RAP1GAP2: variants seen among roughly 807,000 people sequenced by gnomAD.
RAP1GAP2 encodes RAP1 GTPase activating protein 2, also known as rap1 GTPase-activating protein 2.
A neutral mutation model predicts 95.0 loss-of-function variants in RAP1GAP2; 27 were observed. The observed-to-expected ratio is 0.28, with a 90% CI of 0.21 to 0.39. RAP1GAP2 has a LOEUF of 0.39. Among genes scored for constraint, RAP1GAP2 ranks in the 10% least tolerant of loss-of-function variants. The probability of loss-of-function intolerance (pLI) is 1.00; values close to 1 mark genes in which losing one functional copy is unlikely to be tolerated. For synonymous variants in RAP1GAP2, 373 were observed against 380.9 expected, an observed-to-expected ratio of 0.98 and a Z score of 0.24; for missense variants, 771 against 970.0, an observed-to-expected ratio of 0.79 and a Z score of 2.72.
chr17:2,824,849 G>T (rs1448430673), intron 2 of RAP1GAP2, among the ~76,000 whole-genome samples: 1 of 151,988 alleles, frequency 6.6e-6, no homozygotes, highest in Admixed American at 6.6e-5. Flanking sequence ...GGCTGGAGAT[G>T]CCTGTGGTGG....
In RAP1GAP2 at chr17:2,963,813, C is replaced by T. The variant is rs748779912; in HGVS notation, c.280-43C>T. 1 of 1,489,142 alleles carries T rather than the reference C, an allele frequency of 6.7e-7. No homozygotes were observed. The highest frequency in any genetic ancestry group is 9.1e-7 in the Non-Finnish European group (1 of 1,104,874). 92.2% of individuals were successfully genotyped at this position (1,489,142 alleles called of 1,614,324 possible). A position where few individuals can be genotyped will look rare whatever the true frequency, so the allele number is the denominator to read the frequency against. ...ACACCGCCACCGGCCCCCTCCCTCCCCTGCGGTCCCAGGGGAGCGCACGAC... is the reference window on the plus strand; with the variant it reads ...ACACCGCCACCGGCCCCCTCCCTCCTCTGCGGTCCCAGGGGAGCGCACGAC... On this transcript the variant is annotated intron_variant, in intron 6 of 24. Coordinates refer to ENST00000254695, the MANE Select transcript of RAP1GAP2 (RefSeq NM_015085.5). This position sits in a 1 kb window ranked among gnomAD's most constrained non-coding sequence, Gnocchi z 4.8.
intron 1 of RAP1GAP2, among the ~76,000 whole-genome samples, chr17:2,786,664 C>A (rs1334316320): frequency 6.7e-6 from 1 of 148,946 alleles, no homozygotes; most frequent in Non-Finnish European, 1.5e-5. Context: ...TAATGTTTTG[C>A]GATGGAGTCT....
intron 13 of RAP1GAP2, among the ~76,000 whole-genome samples, chr17:2,996,977 G>T (rs1481647903): frequency 6.6e-6 from 1 of 152,168 alleles, no homozygotes; most frequent in Non-Finnish European, 1.5e-5. Flanking sequence ...TACAGGAGCG[G>T]GTTTTTGTGT....
intron 1 of RAP1GAP2, among the ~76,000 whole-genome samples, chr17:2,759,312 GCT>G (rs2071203039): frequency 6.6e-6 from 1 of 151,960 alleles, no homozygotes; most frequent in Non-Finnish European, 1.5e-5. Flanking sequence ...ACAGAATCTT[GCT>G]CTGTCACCCA....
chr17:2,987,449 C>T (rs906627462), intron 11 of RAP1GAP2, among the ~76,000 whole-genome samples: 1 of 150,744 alleles, frequency 6.6e-6, no homozygotes, highest in Non-Finnish European at 1.5e-5. Flanking sequence ...TTGCAACCTC[C>T]GCCTCCCGGG....
chr17:2,923,152 G>A (rs1459714107), intron 3 of RAP1GAP2, among the ~76,000 whole-genome samples: 2 of 150,770 alleles, frequency 1.3e-5, no homozygotes, highest in East Asian at 2.0e-4. Context: ...TGATTCTCCT[G>A]CCTCAGCCTC....
intron 1 of RAP1GAP2, among the ~76,000 whole-genome samples, chr17:2,767,298 G>A (rs1405192481): frequency 7.1e-6 from 1 of 139,984 alleles, no homozygotes; most frequent in East Asian, 2.2e-4. Context: ...GGCGGCAGAG[G>A]TTGCAGTGAG....
chr17:2,792,339 G>A (rs561618209), upstream of RAP1GAP2, among the ~76,000 whole-genome samples: 8 of 152,314 alleles, frequency 5.3e-5, no homozygotes, highest in South Asian at 1.4e-3. Context: ...CGGCCTTGGA[G>A]CCCCGTGCTC....
At chr17:2,799,043 A>C (rs955309684) in intron 1 of RAP1GAP2, among the ~76,000 whole-genome samples, 2 of 152,204 alleles carry the variant, frequency 1.3e-5, no homozygotes, top group African/African-American at 4.8e-5. Context: ...CCTTACCCAC[A>C]ACACAGGGCT....
At chr17:2,922,742 A>G (rs536553934) in intron 3 of RAP1GAP2, among the ~76,000 whole-genome samples, 4 of 152,280 alleles carry the variant, frequency 2.6e-5, no homozygotes, top group Non-Finnish European at 5.9e-5. Flanking sequence ...AAATACTCAC[A>G]ATAGGTTTTC....
chr17:3,028,333 A>G (rs2047191809), intron 22 of RAP1GAP2, among the ~76,000 whole-genome samples: 1 of 149,334 alleles, frequency 6.7e-6, no homozygotes, highest in African/African-American at 2.6e-5. Flanking sequence ...GTCTGGCGAC[A>G]TTTTTAATTT....
intron 3 of RAP1GAP2, among the ~76,000 whole-genome samples, chr17:2,943,538 G>A (rs966059396): frequency 1.3e-5 from 2 of 152,046 alleles, no homozygotes; most frequent in African/African-American, 2.4e-5. Context: ...GGTGGCACAC[G>A]CCTGTAATCT....
Position 3,008,811 on chromosome 17 carries a change from G to C in RAP1GAP2, c.1494+666G>C, listed in dbSNP as rs551444346. Among the ~76,000 whole-genome samples, 3 of 152,184 alleles carry C rather than the reference G, an allele frequency of 2.0e-5. No individual in the cohort carries two copies. Among genetic ancestry groups the C allele is most frequent in the Non-Finnish European group, 4.4e-5 (3 of 68,030 alleles). On this transcript the variant is annotated intron_variant, in intron 17 of 24. Coordinates refer to ENST00000254695, the MANE Select transcript of RAP1GAP2 (RefSeq NM_015085.5). The surrounding 1 kb of genome is among the most constrained non-coding windows in gnomAD (Gnocchi z 4.2). ...GAGTGCTTGTTGGTCCACGCAGCACGTAGACCCAGCATCTGGCTCGAGCCT... is the reference window on the plus strand; with the variant it reads ...GAGTGCTTGTTGGTCCACGCAGCACCTAGACCCAGCATCTGGCTCGAGCCT...
chr17:2,919,311 G>A (rs1245217333), intron 3 of RAP1GAP2, among the ~76,000 whole-genome samples: 1 of 152,154 alleles, frequency 6.6e-6, no homozygotes, highest in Non-Finnish European at 1.5e-5. Context: ...CCCAAACAGG[G>A]GTCTCCAGGG....
At chr17:2,829,214 C>T (rs1371384431) in intron 2 of RAP1GAP2, among the ~76,000 whole-genome samples, 1 of 152,036 alleles carries the variant, frequency 6.6e-6, no homozygotes, top group Non-Finnish European at 1.5e-5. Flanking sequence ...AAACTCCTGA[C>T]CTCAGGTGAT....
At chr17:3,023,286 A>G (rs1003723494) in intron 19 of RAP1GAP2, among the ~76,000 whole-genome samples, 1 of 152,148 alleles carries the variant, frequency 6.6e-6, no homozygotes, top group Non-Finnish European at 1.5e-5. Context: ...TGATGAGCCC[A>G]TTTGTTCTTT....
intron 3 of RAP1GAP2, among the ~76,000 whole-genome samples, chr17:2,914,336 G>GTTTTAATCCACATT (rs1426331816): frequency 1.3e-5 from 2 of 152,082 alleles, no homozygotes; most frequent in Non-Finnish European, 2.9e-5. Context: ...TCTCATTGTG[G>GTTTTAATCCACATT]TTTTAATCCA....
intron 9 of RAP1GAP2, 73 bp downstream of exon 9, chr17:2,980,438 G>C (rs947820869): frequency 1.4e-6 from 2 of 1,450,890 alleles, no homozygotes; most frequent in African/African-American, 2.8e-5. Flanking sequence ...TGGGGGTGCA[G>C]GTATATCCTG....
intron 1 of RAP1GAP2, among the ~76,000 whole-genome samples, chr17:2,781,758 G>A (rs910846976): frequency 2.7e-5 from 4 of 150,300 alleles, no homozygotes; most frequent in Non-Finnish European, 4.4e-5. Context: ...GTACGTCTCT[G>A]TGTGTGCACG....
Sources: gnomAD v4.1 joint callset for allele counts (sites outside exome capture counted in the v4.1 genomes callset) on GRCh38, gnomAD v4.1.1 for gene constraint, Gnocchi (gnomAD v3.1) non-coding constraint, MANE v1.5 for transcripts, NCBI Gene and HGNC (gene_info 2026-07-23, HGNC 2026-07-21) for gene names.